SMG6: variants seen among roughly 807,000 people sequenced by gnomAD.
SMG6 encodes telomerase-binding protein EST1A.
Under a neutral mutation model 142.2 loss-of-function variants are expected in SMG6, and 66 were observed. The observed-to-expected ratio is 0.46, with a 90% CI of 0.38 to 0.57. The LOEUF (loss-of-function observed/expected upper bound fraction) is 0.57. Among genes scored for constraint, SMG6 ranks in the 20% least tolerant of loss-of-function variants. SMG6 has a pLI of 0.00. For synonymous variants in SMG6, 779 were observed against 702.4 expected (o/e 1.11, Z -1.72); for missense variants, 1,793 against 1,832.0 (o/e 0.98, Z 0.39).
intron 10 of SMG6, among the ~76,000 whole-genome samples, chr17:2,197,062 T>C (rs970614862): frequency 6.6e-5 from 10 of 152,100 alleles, no homozygotes; most frequent in African/African-American, 2.4e-4. Context: ...AAGAAAATCT[T>C]CAGGACCTAG....
intron 8 of SMG6, among the ~76,000 whole-genome samples, chr17:2,276,887 T>G (rs1430441289): frequency 6.6e-6 from 1 of 152,074 alleles, no homozygotes; most frequent in Non-Finnish European, 1.5e-5. Context: ...GTTCAAGTGA[T>G]TCTCCTGCCT....
chr17:2,301,569 G>A (rs2151420355), intron 1 of SMG6, among the ~76,000 whole-genome samples: 1 of 149,232 alleles, frequency 6.7e-6, no homozygotes, highest in South Asian at 2.1e-4. Context: ...TCGGCCGGGC[G>A]CGGTGGGTCA....
At chr17:2,237,695 G>A (rs1344435067) in intron 9 of SMG6, 2 of 336,892 alleles carry the variant, frequency 5.9e-6, no homozygotes, top group East Asian at 1.7e-4. Context: ...CCTAAGGAGA[G>A]GTCATTCAAA....
chr17:2,279,653 C>T (rs774211673), intron 8 of SMG6, among the ~76,000 whole-genome samples: 2 of 152,088 alleles, frequency 1.3e-5, no homozygotes, highest in South Asian at 2.1e-4. Context: ...CTTCAAGTTA[C>T]GATTAGGAGG....
chr17:2,103,260 C>G (rs982170786), intron 13 of SMG6, among the ~76,000 whole-genome samples: 1 of 152,202 alleles, frequency 6.6e-6, no homozygotes, highest in African/African-American at 2.4e-5. Context: ...TGGAGGAGCT[C>G]AGCTCTGTCA....
chr17:2,104,141 C>T (rs1006753040), intron 13 of SMG6, among the ~76,000 whole-genome samples: 8 of 151,912 alleles, frequency 5.3e-5, no homozygotes, highest in East Asian at 3.9e-4. Context: ...TTAGTAGAGA[C>T]GGGGTTTCAC....
rs570661838 is a variant in SMG6 at position 2,215,088 on chromosome 17, G to A, written c.2869+21404C>T. The stretch of plus-strand genomic sequence containing the variant: ...TAACACTAGCTTTGGATAAAACACA[G>A]CTCTGGTACAGTAATTAATTTTTTT... On this transcript the variant is annotated intron_variant, in intron 10 of 18. Transcript: ENST00000263073. 3.9e-5 allele frequency among the ~76,000 whole-genome samples: 6 copies of A among 152,290 alleles called. No individual in the cohort carries two copies. The South Asian group carries it at 1.2e-3, about 32-fold the overall frequency.
chr17:2,280,937 T>A (rs1332974534), intron 8 of SMG6, among the ~76,000 whole-genome samples: 1 of 152,104 alleles, frequency 6.6e-6, no homozygotes, highest in Middle Eastern at 3.2e-3. Context: ...CTGGGTGTGG[T>A]GGCATGTGCC....
chr17:2,091,177 G>A (rs953942528), intron 13 of SMG6, among the ~76,000 whole-genome samples: 6 of 152,184 alleles, frequency 3.9e-5, no homozygotes, highest in Non-Finnish European at 5.9e-5. Context: ...GCCTACGAAG[G>A]GGTCTGCCAA....
chr17:2,217,941 C>G lies in SMG6; in HGVS notation c.2869+18551G>C, dbSNP rs541085931. On this transcript the variant is annotated intron_variant, in intron 10 of 18. Transcript: ENST00000263073. Reference sequence around the variant, plus strand: ...AGGAGAATCGCTTGAACCCGGGATGCAGAGGTTGCAGTGAGCTGAGATTGT... The same window carrying G: ...AGGAGAATCGCTTGAACCCGGGATGGAGAGGTTGCAGTGAGCTGAGATTGT... Among the ~76,000 whole-genome samples, 3 of 151,638 alleles carry G rather than the reference C, an allele frequency of 2.0e-5. No individual in the cohort carries two copies. In the East Asian group the frequency reaches 5.8e-4, roughly 30 times the overall value.
chr17:2,078,407 C>T (rs1414127283), intron 15 of SMG6, among the ~76,000 whole-genome samples: 2 of 148,706 alleles, frequency 1.3e-5, no homozygotes, highest in Admixed American at 1.3e-4. Flanking sequence ...GAGACAGAGT[C>T]TCGCCCAGGG....
intron 16 of SMG6, among the ~76,000 whole-genome samples, chr17:2,067,521 A>G (rs2067986060): frequency 1.3e-5 from 2 of 152,206 alleles, no homozygotes; most frequent in Non-Finnish European, 2.9e-5. Context: ...AGCCCGCCCC[A>G]GCGAGGAGAA....
chr17:2,133,674 A>AT (rs1201095296), intron 13 of SMG6, among the ~76,000 whole-genome samples: 3 of 152,174 alleles, frequency 2.0e-5, no homozygotes, highest in Non-Finnish European at 2.9e-5. Flanking sequence ...AGTAGCTAGG[A>AT]TTACAGGTAC....
At chr17:2,181,480 AAGG>A (rs1237992696) in intron 12 of SMG6, among the ~76,000 whole-genome samples, 1 of 152,202 alleles carries the variant, frequency 6.6e-6, no homozygotes, top group Non-Finnish European at 1.5e-5. Context: ...GAGAGCACAG[AAGG>A]AGATGTTTTT....
intron 6 of SMG6, among the ~76,000 whole-genome samples, chr17:2,292,344 A>C (rs1347517159): frequency 6.6e-6 from 1 of 152,200 alleles, no homozygotes; most frequent in African/African-American, 2.4e-5. Context: ...TGCAGTGGTA[A>C]GTGGAGAGAT....
intron 9 of SMG6, among the ~76,000 whole-genome samples, chr17:2,238,081 C>A (rs2073711492): frequency 6.6e-6 from 1 of 152,174 alleles, no homozygotes; most frequent in African/African-American, 2.4e-5. Context: ...CCCATCTCGG[C>A]CCTTCCCGAC....
chr17:2,111,768 C>T (rs1252024511), intron 13 of SMG6, among the ~76,000 whole-genome samples: 1 of 152,092 alleles, frequency 6.6e-6, no homozygotes, highest in South Asian at 2.1e-4. Context: ...CTTCTCTGAT[C>T]GAAGGGCTTG....
chr17:2,180,555 C>A (rs2071774345), intron 12 of SMG6, among the ~76,000 whole-genome samples: 1 of 152,158 alleles, frequency 6.6e-6, no homozygotes, highest in Non-Finnish European at 1.5e-5. Flanking sequence ...TCATCATCAT[C>A]CTAGGTGTTC....
intron 13 of SMG6, among the ~76,000 whole-genome samples, chr17:2,094,173 GGGTACGGGC>G (rs1455440101): frequency 6.6e-6 from 1 of 152,202 alleles, no homozygotes; most frequent in African/African-American, 2.4e-5. Flanking sequence ...CTTCACAGTG[GGGTACGGGC>G]GGTGGCTCTG....
Sources: gnomAD v4.1 joint callset for allele counts (sites outside exome capture counted in the v4.1 genomes callset) on GRCh38, gnomAD v4.1.1 for gene constraint, MANE v1.5 for transcripts, NCBI Gene and HGNC (gene_info 2026-07-23, HGNC 2026-07-21) for gene names.